CLCNKB: variants seen among roughly 807,000 people sequenced by gnomAD.
CLCNKB encodes the protein chloride channel protein ClC-Kb.
CLCNKB carries 74 observed loss-of-function variants against 83.8 expected under a neutral mutation model. The ratio of observed to expected loss-of-function variants is 0.88; its 90% CI spans 0.73 to 1.07. The LOEUF is 1.07. Among genes scored for constraint, CLCNKB ranks in the 50% least tolerant of loss-of-function variants. CLCNKB has a pLI of 0.00. For synonymous variants in CLCNKB, 358 were observed against 356.6 expected, an observed-to-expected ratio of 1.00 and a Z score of -0.04; for missense variants, 798 against 893.6, an observed-to-expected ratio of 0.89 and a Z score of 1.36.
At position 16,053,613 on chromosome 1, in the gene CLCNKB, C is replaced by A. The variant is rs369016719; in HGVS notation, c.1623-26C>A. 5.6e-6 allele frequency: 9 copies of A among 1,613,594 alleles called. 1 individual carries two copies. The African/African-American group carries it at 1.1e-4, about 19-fold the overall frequency. ...GGGTCTCACATCCCTGACTGTGGGGCCTGATGGGAGCCCCTCTGCCTGCAG... is the reference window on the plus strand; with the variant it reads ...GGGTCTCACATCCCTGACTGTGGGGACTGATGGGAGCCCCTCTGCCTGCAG... On this transcript the variant is annotated intron_variant, in intron 15 of 19. Transcript: ENST00000375679.
Position 16,053,328 on chromosome 1 carries a change from G to A in CLCNKB, c.1623-311G>A, listed in dbSNP as rs61136562. Among the ~76,000 whole-genome samples, 15,759 of 152,090 alleles carry A rather than the reference G, an allele frequency of 0.1. 1,458 individuals carry two copies. Among genetic ancestry groups the A allele is most frequent in the African/African-American group, 0.24 (10,043 of 41,442 alleles). On this transcript the variant is annotated intron_variant, in intron 15 of 19. Transcript: ENST00000375679. ...CAGGCGTGAGCCACCGTGCCCAGCCGCATATACTTTTTACTCAAATTAAAT... is the reference window on the plus strand; with the variant it reads ...CAGGCGTGAGCCACCGTGCCCAGCCACATATACTTTTTACTCAAATTAAAT...
chr1:16,055,544 TGGGGATGGGGC>T, intron 17 of CLCNKB, 21 bp downstream of exon 17: 1 of 642,188 alleles, frequency 1.6e-6, no homozygotes, highest in Non-Finnish European at 2.7e-6. Context: ...CTGAGGGGCA[TGGGGATGGGGC>T]GGGGGTGGGT....
In CLCNKB at chr1:16,049,239, G is replaced by C; in HGVS notation, c.775G>C (p.Glu259Gln). 3 of 1,613,718 alleles carry C rather than the reference G, an allele frequency of 1.9e-6. No individual in the cohort carries two copies. The highest frequency in any genetic ancestry group is 1.7e-4 in the Middle Eastern group (1 of 5,978). ...CCGGCTCCTGGCGGTCTTCAACAGCGAGCAGGGTGAGCCCCCTGGGCTGCC... is the reference window on the plus strand; with the variant it reads ...CCGGCTCCTGGCGGTCTTCAACAGCCAGCAGGGTGAGCCCCCTGGGCTGCC... ...MFRLLAVFNSEQETITSLYKT... is the reference protein window; with the variant it reads ...MFRLLAVFNSQQETITSLYKT... Residue 259 changes from glutamate (E) to glutamine (Q), a missense_variant, in exon 8 of 20, where the codon GAG becomes CAG. Glu to Gln is a conservative substitution (Grantham distance 29). Transcript: ENST00000375679.
Position 16,051,895 on chromosome 1 carries a change from C to T in CLCNKB, c.1408+75C>T, listed in dbSNP as rs568181510. On this transcript the variant is annotated intron_variant, in intron 14 of 19. Coordinates refer to ENST00000375679, the MANE Select transcript of CLCNKB (RefSeq NM_000085.5). ...GGACCTGGAGAATTGGCTGGTGGTT[C>T]CCCAGGGCACGGAGCAGTCACTGAG... 1.6e-5 allele frequency: 21 copies of T among 1,276,216 alleles called. No individual in the cohort carries two copies. The East Asian group carries it at 3.2e-4, about 20-fold the overall frequency. 79.1% of individuals were successfully genotyped at this position (1,276,216 alleles called of 1,614,324 possible).
At chr1:16,053,449 G>A (rs182483744) in intron 15 of CLCNKB, among the ~76,000 whole-genome samples, 190 bp from the exon 16 acceptor site, 6 of 152,134 alleles carry the variant, frequency 3.9e-5, no homozygotes, top group Admixed American at 2.0e-4. Flanking sequence ...CTGGGTCATC[G>A]GCGATGTGGT....
Position 16,046,629 on chromosome 1 carries a change from A to C in CLCNKB, c.324A>C (p.Ser108=). 6.2e-7 allele frequency: 1 copy of C among 1,613,808 alleles called. No individual in the cohort carries two copies. Among genetic ancestry groups the C allele is most frequent in the Non-Finnish European group, 8.5e-7 (1 of 1,179,968 alleles). The part of the protein sequence containing the change: ...VYPVALVSFS[S]GFSQSITPSS... ...CTGTGGCCCTCGTCTCTTTCTCTTC[A>C]GGCTTCTCTCAGAGCATCACACCCT... The change falls in exon 4 of 20, where the codon TCA becomes TCC. Residue 108 remains serine, a synonymous_variant. Coordinates refer to ENST00000375679, the MANE Select transcript of CLCNKB (RefSeq NM_000085.5).
At chr1:16,053,853 T>A in intron 16 of CLCNKB, 81 bp downstream of exon 16, 2 of 1,566,098 alleles carry the variant, frequency 1.3e-6, no homozygotes, top group Non-Finnish European at 1.7e-6. Flanking sequence ...GCAGACAGGA[T>A]CTGCATCCAG....
chr1:16,050,968 G>T lies in CLCNKB; in HGVS notation c.1147G>T (p.Asp383Tyr). 2.5e-6 allele frequency: 4 copies of T among 1,613,880 alleles called. No individual in the cohort carries two copies. The highest frequency in any genetic ancestry group is 3.4e-6 in the Non-Finnish European group (4 of 1,179,962). Residue 383 changes from aspartate to tyrosine, a missense_variant, in exon 12 of 20, where the codon GAC (aspartate) becomes TAC (tyrosine). Transcript: ENST00000375679. ...CAGCCCACCCTGGCCCGAGGAGCTC[G>T]ACCCCCAGCACCTGTGGTGGGAATG... ...NSSPPWPEEL[D>Y]PQHLWWEWYH... is the part of the protein sequence containing the mutation.
intron 5 of CLCNKB, 42 bp downstream of exon 5, chr1:16,048,086 C>A: frequency 6.3e-7 from 1 of 1,595,492 alleles, no homozygotes; most frequent in Non-Finnish European, 8.6e-7. Flanking sequence ...CCTACCCACC[C>A]CAGCCACCCC....
Position 16,044,594 on chromosome 1 carries a change from T to A in CLCNKB, c.100+2T>A, listed in dbSNP as rs2124081348. The stretch of plus-strand genomic sequence containing the variant: ...CCCGCATCCGCCGAGGCATCCGAGG[T>A]GAGAGCCAGGTCCTCTTCCCTTCCC... On this transcript the variant is annotated splice_donor_variant, in intron 2 of 19. Transcript: ENST00000375679. LOFTEE classifies it high-confidence loss of function. 1 of 1,594,856 alleles carries A rather than the reference T, an allele frequency of 6.3e-7. No individual in the cohort carries two copies. Among genetic ancestry groups the A allele is most frequent in the Admixed American group, 1.8e-5 (1 of 56,304 alleles).
chr1:16,051,175 C>A (rs1178607181), intron 12 of CLCNKB, 127 bp downstream of exon 12: 5 of 1,415,620 alleles, frequency 3.5e-6, no homozygotes, highest in East Asian at 2.4e-5. Flanking sequence ...GTGCCCCCTG[C>A]CCATTGCATG....
chr1:16,050,114 C>A (rs1407363680), intron 10 of CLCNKB, among the ~76,000 whole-genome samples, 198 bp downstream of exon 10: 1 of 152,120 alleles, frequency 6.6e-6, no homozygotes, highest in African/African-American at 2.4e-5. Context: ...CAAACCTCCC[C>A]ATTTAACCCC....
chr1:16,047,179 C>T (rs552862390), intron 4 of CLCNKB, among the ~76,000 whole-genome samples: 1 of 152,304 alleles, frequency 6.6e-6, no homozygotes, highest in South Asian at 2.1e-4. Context: ...TGCAGTGACT[C>T]ATGCCTGTAA....
At chr1:16,050,390 C>A in intron 10 of CLCNKB, 126 bp from the exon 11 acceptor site, 2 of 1,031,322 alleles carry the variant, frequency 1.9e-6, no homozygotes, top group Non-Finnish European at 3.0e-6. Flanking sequence ...TCCCCTGGAG[C>A]TGGCCCAGTC....
In CLCNKB at chr1:16,046,556, A is replaced by G. The variant is rs1347088218; in HGVS notation, c.251A>G (p.Glu84Gly). 6.2e-7 allele frequency: 1 copy of G among 1,613,882 alleles called. No individual in the cohort carries two copies. Among genetic ancestry groups the G allele is most frequent in the Admixed American group, 1.7e-5 (1 of 59,996 alleles). The change falls in exon 4 of 20, where the codon GAG becomes GGG. Residue 84 changes from glutamate to glycine, a missense_variant. Physicochemically the swap from Glu to Gly is moderately conservative, Grantham distance 98. Transcript: ENST00000375679. ...CCAGCGCACCAGTGGCTGTACAGGG[A>G]GATTGGGGACAGCCACCTGCTCCGG... is the stretch of plus-strand genomic sequence containing the variant. ...VVRAHQWLYREIGDSHLLRYL... is the reference protein window; with the variant it reads ...VVRAHQWLYRGIGDSHLLRYL...
At chr1:16,047,874 C>G in intron 4 of CLCNKB, 31 bp from the exon 5 acceptor site, 1 of 1,611,052 alleles carries the variant, frequency 6.2e-7, no homozygotes, top group South Asian at 1.1e-5. Context: ...TAGAGATTGT[C>G]CCCCTCCTGG....
chr1:16,045,657 T>G lies in CLCNKB; in HGVS notation c.200T>G (p.Met67Arg), dbSNP rs1384929814. The G allele has an allele frequency of 6.2e-7, 1 of 1,613,950 alleles. No individual in the cohort carries two copies. Among genetic ancestry groups the G allele is most frequent in the Middle Eastern group, 1.7e-4 (1 of 6,060 alleles). The change falls in exon 3 of 20, where the codon ATG becomes AGG. Residue 67 changes from methionine (M) to arginine (R), a missense_variant. Met to Arg is a moderately conservative substitution (Grantham distance 91). Transcript: ENST00000375679. The part of the protein sequence containing the change: ...GVLMALVSCA[M>R]DLAVESVVRA... ...CTCATGGCCCTGGTCAGCTGTGCCATGGACTTGGCTGTTGAGAGTGTGGTC... is the reference window on the plus strand; with the variant it reads ...CTCATGGCCCTGGTCAGCTGTGCCAGGGACTTGGCTGTTGAGAGTGTGGTC...
At chr1:16,049,083 G>T in intron 7 of CLCNKB, 37 bp from the exon 8 acceptor site, 1 of 1,613,450 alleles carries the variant, frequency 6.2e-7, no homozygotes, top group Non-Finnish European at 8.5e-7. Flanking sequence ...AGGTGGGTGG[G>T]GGTGGAGGGC....
chr1:16,051,602 T>C (rs936600880), intron 13 of CLCNKB, 55 bp downstream of exon 13: 59 of 1,608,794 alleles, frequency 3.7e-5, no homozygotes, highest in Middle Eastern at 1.6e-4. Context: ...GGCAGGACCA[T>C]GGCTCCTGGT....
Sources: gnomAD v4.1 joint callset for allele counts (sites outside exome capture counted in the v4.1 genomes callset) on GRCh38, gnomAD v4.1.1 for gene constraint, MANE v1.5 for transcripts, NCBI Gene and HGNC (gene_info 2026-07-23, HGNC 2026-07-21) for gene names.